The following DLGAP2 variants were observed in gnomAD, a reference collection of about 807,000 sequenced individuals.
DLGAP2 encodes DLG associated protein 2, also known as disks large-associated protein 2.
In DLGAP2, 26 loss-of-function variants were observed where a neutral mutation model predicts 100.3. That is an observed-to-expected ratio of 0.26 (90% CI 0.19 to 0.36). The LOEUF (loss-of-function observed/expected upper bound fraction) is 0.36. Among genes scored for constraint, DLGAP2 ranks in the 10% least tolerant of loss-of-function variants. DLGAP2 has a pLI of 1.00. For synonymous variants in DLGAP2, 886 were observed against 630.1 expected, an observed-to-expected ratio of 1.41 and a Z score of -6.08; for missense variants, 1,858 against 1,453.2, an observed-to-expected ratio of 1.28 and a Z score of -4.53.
intron 3 of DLGAP2, among the ~76,000 whole-genome samples, chr8:1,293,475 T>A (rs1159105101): frequency 1.3e-5 from 2 of 152,220 alleles, no homozygotes; most frequent in African/African-American, 2.4e-5. Flanking sequence ...TGGGCTCCAG[T>A]GCAGCTCATC....
chr8:1,672,412 G>C (rs1208992756), intron 10 of DLGAP2, among the ~76,000 whole-genome samples: 1 of 152,028 alleles, frequency 6.6e-6, no homozygotes, highest in Non-Finnish European at 1.5e-5. Flanking sequence ...ATTTTTAGTA[G>C]AGATGGGGTT....
chr8:1,316,395 T>G (rs553809797), intron 3 of DLGAP2, among the ~76,000 whole-genome samples: 1 of 138,530 alleles, frequency 7.2e-6, no homozygotes, highest in East Asian at 2.1e-4. Flanking sequence ...CTTGGCAGCT[T>G]TTAAAAATAG....
intron 3 of DLGAP2, among the ~76,000 whole-genome samples, chr8:1,490,090 C>G (rs561047853): frequency 7.8e-4 from 118 of 152,156 alleles, no homozygotes; most frequent in Admixed American, 3.7e-3. Flanking sequence ...CAGGGTTTCA[C>G]TATGTTGGCC....
chr8:881,672 C>A (rs1249329607), intron 1 of DLGAP2, among the ~76,000 whole-genome samples: 1 of 53,562 alleles, frequency 1.9e-5, no homozygotes, highest in Admixed American at 1.7e-4. Flanking sequence ...GCTGAACACA[C>A]ACACACACAC....
chr8:1,242,430 G>A lies in DLGAP2; in HGVS notation c.74-16421G>A, dbSNP rs1035899352. Among the ~76,000 whole-genome samples, 9 of 152,196 alleles carry A rather than the reference G, an allele frequency of 5.9e-5. No individual in the cohort carries two copies. In the East Asian group the frequency reaches 1.3e-3, roughly 23 times the overall value. On this transcript the variant is annotated intron_variant, in intron 2 of 14. Coordinates refer to ENST00000637795, the MANE Select transcript of DLGAP2 (RefSeq NM_001346810.2). The stretch of plus-strand genomic sequence containing the variant: ...GGGTCAGCAGCGAAGGGCTTGGCCC[G>A]TCTGTTCTTTCCTGGCCACGGACCT...
chr8:1,047,838 A>C (rs1331889925), intron 2 of DLGAP2, among the ~76,000 whole-genome samples: 3 of 152,138 alleles, frequency 2.0e-5, no homozygotes, highest in Non-Finnish European at 4.4e-5. Context: ...ATGGATTTTG[A>C]GGGGACAGAA....
chr8:1,534,764 G>C (rs1430880690), intron 4 of DLGAP2, among the ~76,000 whole-genome samples: 4 of 131,796 alleles, frequency 3.0e-5, no homozygotes, highest in Non-Finnish European at 1.6e-5. Flanking sequence ...GTGTGTGCAT[G>C]TGTGTGAGTG....
chr8:1,180,944 G>A (rs1438093300), intron 2 of DLGAP2, among the ~76,000 whole-genome samples: 1 of 119,038 alleles, frequency 8.4e-6, no homozygotes, highest in Admixed American at 8.5e-5. Context: ...ACTTACTGTC[G>A]AGTGTGGGTG....
At position 1,548,819 on chromosome 8, in the gene DLGAP2, G is replaced by T; in HGVS notation, c.366G>T (p.Leu122=). ...HGPDARPPYL[L]SPADSCPGGR... ...CCGACGCGCGGCCGCCCTACCTGCT[G>T]AGCCCCGCCGACAGCTGCCCCGGGG... The change falls in exon 5 of 15, where the codon CTG becomes CTT. Residue 122 remains leucine, a synonymous_variant. Coordinates refer to ENST00000637795, the MANE Select transcript of DLGAP2 (RefSeq NM_001346810.2). The T allele has an allele frequency of 6.3e-7, 1 of 1,580,538 alleles. No individual in the cohort carries two copies. Among genetic ancestry groups the T allele is most frequent in the African/African-American group, 1.3e-5 (1 of 74,408 alleles).
chr8:1,520,110 T>C (rs2130412957), intron 4 of DLGAP2, among the ~76,000 whole-genome samples: 1 of 152,344 alleles, frequency 6.6e-6, no homozygotes, highest in African/African-American at 2.4e-5. Context: ...CCATCTCTGC[T>C]TCCCAACATA....
At chr8:1,136,106 C>T (rs1796405352) in intron 2 of DLGAP2, among the ~76,000 whole-genome samples, 2 of 152,122 alleles carry the variant, frequency 1.3e-5, no homozygotes, top group Admixed American at 1.3e-4. Flanking sequence ...TTCCCCTTGC[C>T]TTCCTCTTGC....
At chr8:831,323 G>A (rs913116426) in intron 1 of DLGAP2, among the ~76,000 whole-genome samples, 6 of 150,036 alleles carry the variant, frequency 4.0e-5, no homozygotes, top group South Asian at 4.2e-4. Flanking sequence ...CCATCAACTC[G>A]TCATTTACAT....
At chr8:1,256,436 G>GCCA (rs1563044913) in intron 2 of DLGAP2, among the ~76,000 whole-genome samples, 2,480 of 132,116 alleles carry the variant, frequency 0.019, 211 homozygotes, top group African/African-American at 0.065. Flanking sequence ...CTGTGCGTCT[G>GCCA]TCCTCTCCTG....
intron 2 of DLGAP2, among the ~76,000 whole-genome samples, chr8:934,435 C>A (rs1037398254): frequency 6.6e-6 from 1 of 152,196 alleles, no homozygotes; most frequent in Non-Finnish European, 1.5e-5. Context: ...GGCAGCCTGT[C>A]GGAGTCGATC....
chr8:1,012,266 G>C (rs996874824), intron 2 of DLGAP2, among the ~76,000 whole-genome samples: 12 of 152,116 alleles, frequency 7.9e-5, no homozygotes, highest in Admixed American at 7.2e-4. Flanking sequence ...CCATCCCTTC[G>C]CTCTTCCTGT....
intron 3 of DLGAP2, among the ~76,000 whole-genome samples, chr8:1,272,827 G>C (rs1799610177): frequency 6.6e-6 from 1 of 152,178 alleles, no homozygotes; most frequent in Non-Finnish European, 1.5e-5. Context: ...CGGCCTGCAA[G>C]TCCCTGTCAC....
intron 4 of DLGAP2, among the ~76,000 whole-genome samples, chr8:1,518,615 T>A (rs1175076167): frequency 6.6e-6 from 1 of 152,170 alleles, no homozygotes; most frequent in Non-Finnish European, 1.5e-5. Flanking sequence ...CAGACACCCT[T>A]ATGTTCCTAG....
intron 3 of DLGAP2, among the ~76,000 whole-genome samples, chr8:1,340,332 A>T (rs1337919295): frequency 6.6e-6 from 1 of 152,266 alleles, no homozygotes; most frequent in African/African-American, 2.4e-5. Context: ...TTTGCAAATT[A>T]TGCATCCCAC....
intron 3 of DLGAP2, among the ~76,000 whole-genome samples, chr8:1,287,204 AGTGTGTGT>A (rs142438693): frequency 1.7e-4 from 19 of 108,848 alleles, no homozygotes; most frequent in African/African-American, 6.9e-4. Context: ...GTTTTGGTTC[AGTGTGTGT>A]GTGTGTGTGT....
Sources: allele counts gnomAD v4.1 joint callset (sites outside exome capture counted in the v4.1 genomes callset), GRCh38; gene constraint gnomAD v4.1.1; transcripts MANE v1.5; gene names NCBI Gene and HGNC (gene_info 2026-07-23, HGNC 2026-07-21).